The following OPLAH variants were observed in gnomAD, a reference collection of about 807,000 sequenced individuals.
OPLAH encodes the protein 5-oxoprolinase.
A neutral mutation model predicts 122.8 loss-of-function variants in OPLAH; 103 were observed. The ratio of observed to expected loss-of-function variants is 0.84; its 90% CI spans 0.71 to 0.99. The LOEUF (loss-of-function observed/expected upper bound fraction) is 0.99, where lower values mean the gene tolerates loss of function less well. Ranked by LOEUF, OPLAH falls within the 50% of genes least tolerant of loss-of-function variation. OPLAH has a pLI of 0.00. For synonymous variants in OPLAH, 875 were observed against 796.0 expected (o/e 1.10, Z -1.67); for missense variants, 1,902 against 1,836.5 (o/e 1.04, Z -0.65).
intron 26 of OPLAH, 46 bp downstream of exon 26, chr8:144,051,683 G>A (rs782067388): frequency 8.0e-7 from 1 of 1,249,880 alleles, no homozygotes; most frequent in South Asian, 1.3e-5. Context: ...GATGGGGCCG[G>A]GAGGGGAGGG....
chr8:144,062,248 G>T (rs1382771720), upstream of OPLAH, among the ~76,000 whole-genome samples: 1 of 152,084 alleles, frequency 6.6e-6, no homozygotes, highest in African/African-American at 2.4e-5. Flanking sequence ...CATAGACAGG[G>T]ATGGGGCCCA....
In OPLAH at chr8:144,051,418, G is replaced by T; in HGVS notation, c.3775C>A (p.Pro1259Thr). The change falls in exon 27 of 27, where the codon CCC becomes ACC. Residue 1259 changes from proline (P) to threonine (T), a missense_variant. Coordinates refer to ENST00000618853, the MANE Select transcript of OPLAH (RefSeq NM_017570.5). ...GGGGGCGACCCCGGCGGTGGGGCGG[G>T]GTCCTCCGGGTCCCCATAGCCACCG... is the stretch of plus-strand genomic sequence containing the variant. ...GGGGYGDPED[P>T]APPPGSPPQA... 6.3e-7 allele frequency: 1 copy of T among 1,589,244 alleles called. No individual in the cohort carries two copies. The highest frequency in any genetic ancestry group is 8.5e-7 in the Non-Finnish European group (1 of 1,171,476).
chr8:144,063,481 T>C (rs1171785048), upstream of OPLAH, among the ~76,000 whole-genome samples: 1 of 152,210 alleles, frequency 6.6e-6, no homozygotes, highest in Non-Finnish European at 1.5e-5. The surrounding 1 kb of genome is among the most constrained non-coding windows in gnomAD (Gnocchi z 4.2). Flanking sequence ...CCTCAGGGCC[T>C]GGCACAGGCT....
At chr8:144,050,565 C>A (rs1835349965), downstream of OPLAH, 2 of 985,650 alleles carry the variant, frequency 2.0e-6, no homozygotes, top group South Asian at 4.7e-5. Context: ...GGAGCACGAG[C>A]TCTTCCGCTG....
Position 144,057,844 on chromosome 8 carries a change from C to T in OPLAH, c.1156+12G>A, listed in dbSNP as rs782257200. 3.1e-6 allele frequency: 5 copies of T among 1,609,812 alleles called. No homozygotes were observed. In the African/African-American group the frequency reaches 4.0e-5, roughly 13 times the overall value. On this transcript the variant is annotated intron_variant, in intron 9 of 26. Transcript: ENST00000618853. ...GAGGGCAAGGCCAGGCCGGCCAGAT[C>T]CTGACTCTTACCTTTGCGGTAGCAG...
Position 144,052,335 on chromosome 8 carries a change from G to A in OPLAH, c.3304-9C>T. 1.3e-6 allele frequency: 2 copies of A among 1,516,656 alleles called. No homozygotes were observed. Among genetic ancestry groups the A allele is most frequent in the Non-Finnish European group, 8.8e-7 (1 of 1,134,912 alleles). 93.9% of individuals were successfully genotyped at this position (1,516,656 alleles called of 1,614,324 possible). ...ACGTTGTTCATGCAGCCCTGGTGAG[G>A]GCACCTGGTCGCTGCGCTGGGCTGG... On this transcript the variant is annotated splice_polypyrimidine_tract_variant and intron_variant, in intron 23 of 26. Transcript: ENST00000618853.
In OPLAH at chr8:144,051,449, G is replaced by C. The variant is rs781960431; in HGVS notation, c.3744C>G (p.Pro1248=). 54 of 1,551,226 alleles carry C rather than the reference G, an allele frequency of 3.5e-5. No homozygotes were observed. The highest frequency in any genetic ancestry group is 1.4e-4 in the South Asian group (12 of 83,892). ...YPGDVFCLHT[P]GGGGYGDPED... ...CCGGGTCCCCATAGCCACCGCCGCC[G>C]GGCGTGTGGAGACAGAACACATCCT... Residue 1248 remains proline, a synonymous_variant, in exon 27 of 27, where the codon CCC becomes CCG. Coordinates refer to ENST00000618853, the MANE Select transcript of OPLAH (RefSeq NM_017570.5).
In OPLAH at chr8:144,058,490, C is replaced by T. The variant is rs1554760021; in HGVS notation, c.783+6G>A. The T allele has an allele frequency of 1.3e-6, 2 of 1,577,476 alleles. No homozygotes were observed. Among genetic ancestry groups the T allele is most frequent in the East Asian group, 4.5e-5 (2 of 44,484 alleles). On this transcript the variant is annotated splice_donor_region_variant and intron_variant, in intron 6 of 26. Transcript: ENST00000618853. ...AGTGGGCAGTGGGGGTGCCTCACAG[C>T]CTCACCTTGAGTTGGCCCTGGAAGC...
At position 144,051,817 on chromosome 8, in the gene OPLAH, G is replaced by A. The variant is rs1554757726; in HGVS notation, c.3632C>T (p.Pro1211Leu). Residue 1211 changes from proline to leucine, a missense_variant, in exon 26 of 27, where the codon CCT becomes CTT. Transcript: ENST00000618853. ...FRPYGLHGGE[P>L]GARGLNLLIR... ...CAGCAGGTTTAGGCCGCGGGCGCCA[G>A]GCTCGCCCCCTGCGGAGGGAGGCGA... 6.6e-7 allele frequency: 1 copy of A among 1,513,054 alleles called. No homozygotes were observed. The highest frequency in any genetic ancestry group is 1.4e-5 in the African/African-American group (1 of 70,758). The allele number at this position is 1,513,054 out of a possible 1,614,324, so 93.7% of individuals were successfully genotyped here.
chr8:144,051,421 C>T lies in OPLAH; in HGVS notation c.3772G>A (p.Asp1258Asn), dbSNP rs782499343. ...PGGGGYGDPEDPAPPPGSPPQ... is the reference protein window; with the variant it reads ...PGGGGYGDPENPAPPPGSPPQ... ...GGCGACCCCGGCGGTGGGGCGGGGT[C>T]CTCCGGGTCCCCATAGCCACCGCCG... Residue 1258 changes from aspartate to asparagine, a missense_variant, in exon 27 of 27, where the codon GAC becomes AAC. This residue lies in a region of OPLAH where 1,726 missense variants were observed against 1,642.1 expected (regional missense o/e 1.05). Coordinates refer to ENST00000618853, the MANE Select transcript of OPLAH (RefSeq NM_017570.5). 2 of 1,587,874 alleles carry T rather than the reference C, an allele frequency of 1.3e-6. No homozygotes were observed. Among genetic ancestry groups the T allele is most frequent in the South Asian group, 2.2e-5 (2 of 89,170 alleles).
rs1554760524 is a variant in OPLAH at position 144,059,976 on chromosome 8, T to C, written c.57A>G (p.Thr19=). ...HFAIDRGGTF[T]DVFAQCPGGH... ...CCCCTGGGCACTGGGCAAAGACGTC[T>C]GTGAAGGTACCCCCACGGTCGATGG... Residue 19 remains threonine, a synonymous_variant, in exon 2 of 27, where the codon ACA becomes ACG. Coordinates refer to ENST00000618853, the MANE Select transcript of OPLAH (RefSeq NM_017570.5). 1 of 1,612,738 alleles carries C rather than the reference T, an allele frequency of 6.2e-7. No individual in the cohort carries two copies. The highest frequency in any genetic ancestry group is 8.5e-7 in the Non-Finnish European group (1 of 1,179,802).
At position 144,052,222 on chromosome 8, in the gene OPLAH, C is replaced by T. The variant is rs782717989; in HGVS notation, c.3408G>A (p.Val1136=). Reference sequence around the variant, plus strand: ...TGCGTGTGTTGGTCATGTGGCTGTGCACACCGCTGCGCCCGTGCCAGCTGG... The same window carrying T: ...TGCGTGTGTTGGTCATGTGGCTGTGTACACCGCTGCGCCCGTGCCAGCTGG... ...AGPSWHGRSG[V]HSHMTNTRIT... is the part of the protein sequence containing the mutation. The change falls in exon 24 of 27, where the codon GTG becomes GTA. Residue 1136 remains valine (V), a synonymous_variant. Coordinates refer to ENST00000618853, the MANE Select transcript of OPLAH (RefSeq NM_017570.5). 1.2e-5 allele frequency: 19 copies of T among 1,573,052 alleles called. No homozygotes were observed. Among genetic ancestry groups the T allele is most frequent in the Non-Finnish European group, 1.6e-5 (19 of 1,164,946 alleles).
In OPLAH at chr8:144,051,829, G is replaced by A. The variant is rs1587549553; in HGVS notation, c.3623-3C>T. ...GCCGCGGGCGCCAGGCTCGCCCCCT[G>A]CGGAGGGAGGCGAGGAGTCCAGAGA... On this transcript the variant is annotated splice_polypyrimidine_tract_variant and splice_region_variant and intron_variant, in intron 25 of 26. Coordinates refer to ENST00000618853, the MANE Select transcript of OPLAH (RefSeq NM_017570.5). The A allele has an allele frequency of 6.3e-7, 1 of 1,577,916 alleles. No homozygotes were observed. Among genetic ancestry groups the A allele is most frequent in the Non-Finnish European group, 8.6e-7 (1 of 1,165,996 alleles).
In OPLAH at chr8:144,051,803, G is replaced by A. The variant is rs373175925; in HGVS notation, c.3646C>T (p.Leu1216=). The A allele has an allele frequency of 6.3e-6, 10 of 1,599,026 alleles. No homozygotes were observed. The highest frequency in any genetic ancestry group is 1.3e-5 in the African/African-American group (1 of 74,150). ...CCGTTTTTGCGGATCAGCAGGTTTA[G>A]GCCGCGGGCGCCAGGCTCGCCCCCT... ...LHGGEPGARG[L]NLLIRKNGRT... is the part of the protein sequence containing the mutation. Residue 1216 remains leucine (L), a synonymous_variant, in exon 26 of 27, where the codon CTA becomes TTA. Coordinates refer to ENST00000618853, the MANE Select transcript of OPLAH (RefSeq NM_017570.5).
chr8:144,051,543 C>A, intron 26 of OPLAH, 71 bp from the exon 27 acceptor site: 2 of 1,265,844 alleles, frequency 1.6e-6, no homozygotes, highest in South Asian at 1.5e-5. Flanking sequence ...CCTGCGCAGT[C>A]CCCTCCCCAC....
rs1587555316 is a variant in OPLAH, at chr8:144,054,613, A to C, written c.2634T>G (p.Gly878=). The C allele has an allele frequency of 6.2e-7, 1 of 1,607,832 alleles. No individual in the cohort carries two copies. ...PPHSTMLQQE[G]AVFLSFKLVQ... is the part of the protein sequence containing the mutation. ...CAAGTTTGAAGGACAGAAAGACGGC[A>C]CCCTCCTGTTGCAGCATGGTGGAGT... The change falls in exon 19 of 27, where the codon GGT becomes GGG. Residue 878 remains glycine (G), a synonymous_variant. Coordinates refer to ENST00000618853, the MANE Select transcript of OPLAH (RefSeq NM_017570.5).
At chr8:144,051,150 G>T (rs1835362723), downstream of OPLAH, 13 of 1,426,418 alleles carry the variant, frequency 9.1e-6, no homozygotes, top group South Asian at 1.6e-4. Context: ...CGCCCTGGAG[G>T]GGCTCACGGA....
rs1330290820 is a variant in OPLAH at position 144,051,345 on chromosome 8, C to T, written c.3848G>A (p.Arg1283Gln). 1.9e-6 allele frequency: 3 copies of T among 1,611,620 alleles called. No individual in the cohort carries two copies. Among genetic ancestry groups the T allele is most frequent in the Non-Finnish European group, 2.5e-6 (3 of 1,179,360 alleles). The change falls in exon 27 of 27, where the codon CGG (arginine) becomes CAG (glutamine). Residue 1283 changes from arginine (R) to glutamine (Q), a missense_variant. Around this residue, in one of 3 missense-constraint regions of OPLAH, gnomAD observed 1,726 missense variants for 1,642.1 expected, o/e 1.05. Coordinates refer to ENST00000618853, the MANE Select transcript of OPLAH (RefSeq NM_017570.5). ...GGATCCTCACACGGCCTCCTGGGCCCGGCGATACTCATAGACGCTGCCGTG... is the reference window on the plus strand; with the variant it reads ...GGATCCTCACACGGCCTCCTGGGCCTGGCGATACTCATAGACGCTGCCGTG... ...PEHGSVYEYRRAQEAV is the reference protein window; with the variant it reads ...PEHGSVYEYRQAQEAV
Position 144,052,583 on chromosome 8 carries a change from C to CT in OPLAH, c.3168dup (p.Val1057SerfsTer93), listed in dbSNP as rs1835410452. On this transcript the variant is annotated frameshift_variant, in exon 23 of 27. Coordinates refer to ENST00000618853, the MANE Select transcript of OPLAH (RefSeq NM_017570.5). LOFTEE classifies it high-confidence loss of function. ...GAGCCTCGGGGAATGACCACGCGCA[C>CT]TGGCGCCAGGCAGCCCTGTGCGGGG... 1.3e-6 allele frequency: 2 copies of CT among 1,596,352 alleles called. No individual in the cohort carries two copies. Among genetic ancestry groups the CT allele is most frequent in the Non-Finnish European group, 1.7e-6 (2 of 1,177,376 alleles).
Sources: allele counts gnomAD v4.1 joint callset (sites outside exome capture counted in the v4.1 genomes callset), GRCh38; gene constraint gnomAD v4.1.1; regional missense constraint gnomAD v4.1.1; non-coding constraint Gnocchi (gnomAD v3.1); transcripts MANE v1.5; gene names NCBI Gene and HGNC (gene_info 2026-07-23, HGNC 2026-07-21).